EPAS1: variants seen among roughly 807,000 people sequenced by gnomAD.
EPAS1 encodes the protein endothelial PAS domain protein 1.
In EPAS1, 23 loss-of-function variants were observed where a neutral mutation model predicts 87.9. The ratio of observed to expected loss-of-function variants is 0.26; its 90% CI spans 0.19 to 0.37. The LOEUF is 0.37. Ranked by LOEUF, EPAS1 falls within the 10% of genes least tolerant of loss-of-function variation. The pLI is 1.00. For missense variants in EPAS1, 1,138 were observed against 1,120.7 expected, an observed-to-expected ratio of 1.02 and a Z score of -0.22; for synonymous variants, 508 against 444.3, an observed-to-expected ratio of 1.14 and a Z score of -1.80.
rs973242203 is a variant in EPAS1, at chr2:46,347,788, C to T, written c.217+725C>T. Among the ~76,000 whole-genome samples the T allele has an allele frequency of 6.6e-6, 1 of 152,186 alleles. No individual in the cohort carries two copies. Among genetic ancestry groups the T allele is most frequent in the Non-Finnish European group, 1.5e-5 (1 of 68,034 alleles). On this transcript the variant is annotated intron_variant, in intron 2 of 15. Transcript: ENST00000263734. The surrounding 1 kb of genome is among the most constrained non-coding windows in gnomAD (Gnocchi z 4.2). ...TTCAAGAAACCATTTCCTATGCGTC[C>T]TGACCAGAAACAGGTGTCTTGAGTA...
Position 46,384,961 on chromosome 2 carries a change from TC to T in EPAS1, c.*303del. 2.4e-6 allele frequency: 1 copy of T among 413,172 alleles called. No homozygotes were observed. The highest frequency in any genetic ancestry group is 4.6e-6 in the Non-Finnish European group (1 of 219,674). The allele number at this position is 413,172 out of a possible 1,614,324, so 25.6% of individuals were successfully genotyped here. A position where few individuals can be genotyped will look rare whatever the true frequency, so the allele number is the denominator to read the frequency against. On this transcript the variant is annotated 3_prime_UTR_variant, in exon 16 of 16. Coordinates refer to ENST00000263734, the MANE Select transcript of EPAS1 (RefSeq NM_001430.5). ...TATATTATCCATAGGTTTCTCTCCC[TC>T]CTTCTCCTTCTCACACACAACTGTC...
chr2:46,320,229 G>A (rs952693034), intron 1 of EPAS1, among the ~76,000 whole-genome samples: 2 of 152,128 alleles, frequency 1.3e-5, no homozygotes, highest in African/African-American at 2.4e-5. Flanking sequence ...CAAAGTTTTC[G>A]GTGTGTGGAA....
At chr2:46,303,983 A>G (rs1038970887) in intron 1 of EPAS1, among the ~76,000 whole-genome samples, 1 of 152,160 alleles carries the variant, frequency 6.6e-6, no homozygotes, top group Admixed American at 6.5e-5. Context: ...TCAGTCTTGG[A>G]AGGACGGGAA....
intron 1 of EPAS1, among the ~76,000 whole-genome samples, chr2:46,332,540 G>A (rs1441004048): frequency 2.0e-5 from 3 of 152,162 alleles, no homozygotes; most frequent in Non-Finnish European, 4.4e-5. Context: ...AAAGGCGGAG[G>A]AGTAGAGTAG....
At chr2:46,328,514 G>T (rs1683609982) in intron 1 of EPAS1, among the ~76,000 whole-genome samples, 1 of 152,228 alleles carries the variant, frequency 6.6e-6, no homozygotes, top group South Asian at 2.1e-4. Flanking sequence ...GTCAGTGATG[G>T]CCTGGTTTGA....
intron 2 of EPAS1, among the ~76,000 whole-genome samples, chr2:46,350,834 C>T (rs559335395): frequency 6.6e-6 from 1 of 152,298 alleles, no homozygotes; most frequent in South Asian, 2.1e-4. Flanking sequence ...GTGTCAGTTG[C>T]ATTATGGATT....
In EPAS1 at chr2:46,346,373, G is replaced by A. The variant is rs374550408; in HGVS notation, c.27-500G>A. On this transcript the variant is annotated intron_variant, in intron 1 of 15. Transcript: ENST00000263734. The surrounding 1 kb of genome is among the most constrained non-coding windows in gnomAD (Gnocchi z 4.0). ...TGGAAATCACTTTCTGGTATGAAGC[G>A]GGATCTAGGGTTCAGTACTACTCTT... Among the ~76,000 whole-genome samples the A allele has an allele frequency of 2.6e-5, 4 of 152,282 alleles. No individual in the cohort carries two copies. Among genetic ancestry groups the A allele is most frequent in the Middle Eastern group, 3.4e-3 (1 of 294 alleles).
At chr2:46,372,361 C>G (rs1414347414) in intron 7 of EPAS1, among the ~76,000 whole-genome samples, 3 of 152,226 alleles carry the variant, frequency 2.0e-5, no homozygotes, top group Non-Finnish European at 1.5e-5. Flanking sequence ...TACAGACTGA[C>G]ACACATGCTC....
intron 1 of EPAS1, among the ~76,000 whole-genome samples, chr2:46,315,327 G>T (rs1683291275): frequency 6.6e-6 from 1 of 152,194 alleles, no homozygotes; most frequent in African/African-American, 2.4e-5. Flanking sequence ...AAGTCATGTT[G>T]TACAGAGGGG....
intron 1 of EPAS1, among the ~76,000 whole-genome samples, chr2:46,314,801 G>T (rs1430249476): frequency 6.6e-6 from 1 of 152,226 alleles, no homozygotes; most frequent in Non-Finnish European, 1.5e-5. Flanking sequence ...GCAGAGACTT[G>T]GAAGTCGCTG....
chr2:46,299,788 C>T (rs566876409), intron 1 of EPAS1, among the ~76,000 whole-genome samples: 1 of 152,210 alleles, frequency 6.6e-6, no homozygotes, highest in Admixed American at 6.5e-5. Context: ...TTCGACACAC[C>T]CAGCTACAGT....
intron 6 of EPAS1, 143 bp from the exon 7 acceptor site, chr2:46,369,684 A>T (rs1572643031): frequency 2.9e-6 from 2 of 695,684 alleles, no homozygotes; most frequent in East Asian, 5.5e-5. Context: ...TTTTGCTTGG[A>T]TACATGGTAC....
rs184846725 is a variant in EPAS1, at chr2:46,384,722, G to A, written c.*62G>A. Reference sequence around the variant, plus strand: ...CCGTCCCACCAGCTTCACTCTCTCCGTCTGTTTTTGCAACTAGGTATTTCT... The same window carrying A: ...CCGTCCCACCAGCTTCACTCTCTCCATCTGTTTTTGCAACTAGGTATTTCT... On this transcript the variant is annotated 3_prime_UTR_variant, in exon 16 of 16. Coordinates refer to ENST00000263734, the MANE Select transcript of EPAS1 (RefSeq NM_001430.5). The A allele has an allele frequency of 2.8e-5, 44 of 1,585,772 alleles. No homozygotes were observed. Among genetic ancestry groups the A allele is most frequent in the Admixed American group, 1.4e-4 (8 of 56,998 alleles).
At chr2:46,362,956 G>T (rs1284668987) in intron 6 of EPAS1, among the ~76,000 whole-genome samples, 7 of 88,252 alleles carry the variant, frequency 7.9e-5, no homozygotes, top group African/African-American at 3.7e-4. Flanking sequence ...AATTGTTAGT[G>T]GTGGTGGTGG....
chr2:46,352,746 G>A lies in EPAS1; in HGVS notation c.218-3405G>A, dbSNP rs193066637. Among the ~76,000 whole-genome samples the A allele has an allele frequency of 1.1e-4, 16 of 152,324 alleles. No individual in the cohort carries two copies. In the East Asian group the frequency reaches 2.9e-3, roughly 28 times the overall value. ...GAAGAGACCCTGTCCCGGCCCTGCC[G>A]TCACAGGGTCCCTGGGGCCAACCTG... On this transcript the variant is annotated intron_variant, in intron 2 of 15. Transcript: ENST00000263734.
intron 2 of EPAS1, among the ~76,000 whole-genome samples, chr2:46,348,176 C>T (rs1684073505): frequency 6.6e-6 from 1 of 152,158 alleles, no homozygotes; most frequent in Non-Finnish European, 1.5e-5. Context: ...GACGACAGCT[C>T]AGTGGGCCTG....
In EPAS1 at chr2:46,379,663, C is replaced by T. The variant is rs536214352; in HGVS notation, c.1555-564C>T. 1.1e-3 allele frequency: 189 copies of T among 168,002 alleles called. 6 individuals are homozygous for T. In the South Asian group the frequency reaches 0.028, roughly 25 times the overall value. 10.4% of individuals were successfully genotyped at this position (168,002 alleles called of 1,614,324 possible). On this transcript the variant is annotated intron_variant, in intron 11 of 15. Coordinates refer to ENST00000263734, the MANE Select transcript of EPAS1 (RefSeq NM_001430.5). ...CTTGTATCATGCGTCCGTCATGATA[C>T]TGCCACCCTAAGGGATGATCTGAGT...
At chr2:46,343,180 A>G (rs1318196967) in intron 1 of EPAS1, among the ~76,000 whole-genome samples, 2 of 152,092 alleles carry the variant, frequency 1.3e-5, no homozygotes, top group African/African-American at 2.4e-5. Context: ...GGCCCACAGC[A>G]CTTAGTCCCT....
intron 1 of EPAS1, among the ~76,000 whole-genome samples, chr2:46,305,156 T>A (rs1376598144): frequency 6.6e-6 from 1 of 152,200 alleles, no homozygotes; most frequent in African/African-American, 2.4e-5. Flanking sequence ...TTGGGTGTAA[T>A]TTGGTGACCC....
Sources: allele counts gnomAD v4.1 joint callset (sites outside exome capture counted in the v4.1 genomes callset), GRCh38; gene constraint gnomAD v4.1.1; non-coding constraint Gnocchi (gnomAD v3.1); transcripts MANE v1.5; gene names NCBI Gene and HGNC (gene_info 2026-07-23, HGNC 2026-07-21).